The following UBE2G1 variants were observed in gnomAD, a reference collection of about 807,000 sequenced individuals.
UBE2G1 encodes the protein ubiquitin-conjugating enzyme E2 G1.
Under a neutral mutation model 22.7 loss-of-function variants are expected in UBE2G1, and 5 were observed. The observed-to-expected ratio is 0.22, with a 90% CI of 0.12 to 0.46. The LOEUF is 0.46. Among genes scored for constraint, UBE2G1 ranks in the 20% least tolerant of loss-of-function variants. UBE2G1 has a pLI of 0.99. For missense variants in UBE2G1, 88 were observed against 203.9 expected (o/e 0.43, Z 3.46); for synonymous variants, 74 against 67.5 (o/e 1.10, Z -0.47).
chr17:4,365,918 T>A (rs1021427647), intron 1 of UBE2G1, among the ~76,000 whole-genome samples: 2 of 151,836 alleles, frequency 1.3e-5, no homozygotes, highest in Admixed American at 1.3e-4. Context: ...CGGCAGCACC[T>A]GAACCCGGGA....
chr17:4,304,171 T>A (rs1015919231), intron 2 of UBE2G1, among the ~76,000 whole-genome samples: 1 of 151,208 alleles, frequency 6.6e-6, no homozygotes, highest in Non-Finnish European at 1.5e-5. Context: ...TATTTTTGTA[T>A]TTTTTTTTGT....
intron 1 of UBE2G1, among the ~76,000 whole-genome samples, chr17:4,312,651 G>C (rs1000278702): frequency 5.8e-5 from 8 of 138,444 alleles, no homozygotes; most frequent in African/African-American, 2.2e-4. Flanking sequence ...AGCCGAGATC[G>C]CGCCACTGCA....
intron 1 of UBE2G1, among the ~76,000 whole-genome samples, chr17:4,341,050 C>CAAA (rs71383550): frequency 7.0e-5 from 6 of 85,946 alleles, no homozygotes; most frequent in African/African-American, 1.8e-4. Flanking sequence ...AGTGTCTTTA[C>CAAA]AAAAAAAAAA....
At chr17:4,337,666 AG>A (rs1969665194) in intron 1 of UBE2G1, among the ~76,000 whole-genome samples, 1 of 151,666 alleles carries the variant, frequency 6.6e-6, no homozygotes, top group African/African-American at 2.4e-5. Flanking sequence ...AAAAAAAAAA[AG>A]AAAAGAAAAA....
chr17:4,273,703 A>C (rs1968786725), intron 5 of UBE2G1, among the ~76,000 whole-genome samples: 1 of 119,732 alleles, frequency 8.4e-6, no homozygotes. Context: ...TTATATTAAT[A>C]TGTGCTTTGA....
chr17:4,309,253 C>T (rs1039973252), intron 1 of UBE2G1, among the ~76,000 whole-genome samples: 2 of 152,058 alleles, frequency 1.3e-5, no homozygotes, highest in African/African-American at 4.8e-5. Flanking sequence ...TGCGAGACTC[C>T]GTCTCAAAAA....
chr17:4,355,706 CTTT>C (rs764242717), intron 1 of UBE2G1, among the ~76,000 whole-genome samples: 1 of 137,378 alleles, frequency 7.3e-6, no homozygotes, highest in African/African-American at 2.6e-5. Flanking sequence ...AGTAGCCATT[CTTT>C]TTTTTTTTTT....
intron 2 of UBE2G1, among the ~76,000 whole-genome samples, chr17:4,306,118 G>C (rs1043652211): frequency 3.3e-5 from 5 of 152,134 alleles, no homozygotes; most frequent in African/African-American, 1.2e-4. Context: ...AGTTTAGTTT[G>C]GGATAAGAAC....
At chr17:4,332,963 G>A (rs981772953) in intron 1 of UBE2G1, among the ~76,000 whole-genome samples, 2 of 152,092 alleles carry the variant, frequency 1.3e-5, no homozygotes, top group African/African-American at 4.8e-5. Flanking sequence ...TAACTACAAA[G>A]CAAGCTCTAT....
chr17:4,276,323 C>T (rs1212238861), intron 5 of UBE2G1, among the ~76,000 whole-genome samples: 1 of 151,970 alleles, frequency 6.6e-6, no homozygotes, highest in Non-Finnish European at 1.5e-5. Flanking sequence ...TACAGTCGCA[C>T]ACCACCGTAC....
rs186189410 is a variant in UBE2G1, at chr17:4,275,817, A to G, written c.*38-3301T>C. Among the ~76,000 whole-genome samples the G allele has an allele frequency of 7.8e-4, 119 of 152,246 alleles. 3 individuals carry two copies. In the East Asian group the frequency reaches 0.016, roughly 20 times the overall value. Reference sequence around the variant, plus strand: ...GCTTCCAAAAGTTCCAAATCACCCTACACAGCCACCCAGTGTACTCCTGCT... The same window carrying G: ...GCTTCCAAAAGTTCCAAATCACCCTGCACAGCCACCCAGTGTACTCCTGCT... On this transcript the variant is annotated intron_variant, in intron 5 of 5. Coordinates refer to ENST00000396981, the MANE Select transcript of UBE2G1 (RefSeq NM_003342.5).
intron 3 of UBE2G1, among the ~76,000 whole-genome samples, chr17:4,290,771 A>C (rs1969025163): frequency 8.1e-6 from 1 of 124,060 alleles, no homozygotes; most frequent in Non-Finnish European, 1.6e-5. Flanking sequence ...ACATGGCACC[A>C]TTCCTGGCTT....
intron 2 of UBE2G1, among the ~76,000 whole-genome samples, chr17:4,306,264 A>G (rs1286320044): frequency 6.6e-6 from 1 of 152,050 alleles, no homozygotes. Flanking sequence ...CAAAAATTAT[A>G]TAACTCTTCT....
intron 1 of UBE2G1, among the ~76,000 whole-genome samples, chr17:4,346,431 CTTTTTTTTTTT>C (rs67852481): frequency 8.3e-6 from 1 of 120,530 alleles, no homozygotes; most frequent in East Asian, 2.3e-4. Context: ...TTTTCTTCTT[CTTTTTTTTTTT>C]TTTTTTTTTT....
intron 2 of UBE2G1, among the ~76,000 whole-genome samples, chr17:4,299,467 T>C (rs1196374521): frequency 6.6e-6 from 1 of 152,230 alleles, no homozygotes; most frequent in African/African-American, 2.4e-5. Context: ...CTGCACTTGA[T>C]TCTACTGGCA....
intron 5 of UBE2G1, among the ~76,000 whole-genome samples, chr17:4,279,580 T>C (rs1968858919): frequency 6.6e-6 from 1 of 151,732 alleles, no homozygotes; most frequent in Non-Finnish European, 1.5e-5. Context: ...GTAAAATCCA[T>C]AAAGGAAAAG....
chr17:4,301,473 A>G lies in UBE2G1; in HGVS notation c.150-4659T>C, dbSNP rs914630456. 1.1e-5 allele frequency: 9 copies of G among 795,172 alleles called. No homozygotes were observed. In the African/African-American group the frequency reaches 1.5e-4, roughly 14 times the overall value. The allele number at this position is 795,172 out of a possible 1,614,324, so 49.3% of individuals were successfully genotyped here. ...CTTCAGCAGCTATTTTTGCTATAAT[A>G]ATCCTGCTGCCCTTCAGACTCAGGA... On this transcript the variant is annotated intron_variant, in intron 2 of 5. Coordinates refer to ENST00000396981, the MANE Select transcript of UBE2G1 (RefSeq NM_003342.5).
chr17:4,311,689 G>A (rs1367770731), intron 1 of UBE2G1, among the ~76,000 whole-genome samples: 1 of 152,212 alleles, frequency 6.6e-6, no homozygotes, highest in African/African-American at 2.4e-5. Context: ...TGATGAGAAC[G>A]TCTGAAAGCT....
intron 1 of UBE2G1, among the ~76,000 whole-genome samples, chr17:4,328,057 A>G (rs8065280): frequency 0.34 from 51,785 of 151,984 alleles, 8,988 homozygotes; most frequent in Middle Eastern, 0.4. Context: ...TCTCAGTCTC[A>G]CTGTTAAAGA....
Sources: gnomAD v4.1 joint callset for allele counts (sites outside exome capture counted in the v4.1 genomes callset) on GRCh38, gnomAD v4.1.1 for gene constraint, MANE v1.5 for transcripts, NCBI Gene and HGNC (gene_info 2026-07-23, HGNC 2026-07-21) for gene names.